The following RIN3 variants were observed in gnomAD, a reference collection of about 807,000 sequenced individuals.
RIN3 encodes the protein Ras and Rab interactor 3.
Under a neutral mutation model 76.3 loss-of-function variants are expected in RIN3, and 54 were observed. That is an observed-to-expected ratio of 0.71 (90% CI 0.57 to 0.89). The LOEUF (loss-of-function observed/expected upper bound fraction) is 0.89. RIN3 is among the 40% of genes least tolerant of loss of function. The pLI is 0.00. For synonymous variants in RIN3, 576 were observed against 564.0 expected (o/e 1.02, Z -0.30); for missense variants, 1,256 against 1,322.1 (o/e 0.95, Z 0.78).
At chr14:92,686,063 T>C (rs1888846501) in intron 9 of RIN3, 1 of 152,206 alleles carries the variant, frequency 6.6e-6, no homozygotes, top group Admixed American at 6.5e-5. Flanking sequence ...TAAAAAAGGG[T>C]GAGAGTTGGA....
chr14:92,535,152 T>C (rs959709467), intron 1 of RIN3, among the ~76,000 whole-genome samples: 5 of 152,222 alleles, frequency 3.3e-5, no homozygotes, highest in African/African-American at 4.8e-5. Flanking sequence ...CTCACAGCCA[T>C]GTGGAGATCC....
intron 1 of RIN3, among the ~76,000 whole-genome samples, chr14:92,549,765 G>C (rs1019036948): frequency 6.6e-6 from 1 of 152,226 alleles, no homozygotes; most frequent in Non-Finnish European, 1.5e-5. Context: ...TGGGTGTCCG[G>C]CGGCAGCCAT....
intron 1 of RIN3, among the ~76,000 whole-genome samples, chr14:92,529,643 G>A (rs12893972): frequency 0.016 from 2,364 of 152,290 alleles, 23 homozygotes; most frequent in Admixed American, 0.023. Flanking sequence ...GTTGAACAGG[G>A]CGACACTCTG....
intron 8 of RIN3, among the ~76,000 whole-genome samples, chr14:92,682,613 A>G (rs942353994): frequency 2.0e-5 from 3 of 152,160 alleles, no homozygotes; most frequent in African/African-American, 7.2e-5. Context: ...GGCAGAAGGA[A>G]GGGTGACAGG....
At chr14:92,608,845 A>G in intron 3 of RIN3, among the ~76,000 whole-genome samples, 1 of 152,002 alleles carries the variant, frequency 6.6e-6, no homozygotes, top group Non-Finnish European at 1.5e-5. Flanking sequence ...TCTCTCTCTT[A>G]GCATTTTTAA....
Position 92,600,656 on chromosome 14 carries a change from A to G in RIN3, c.368-14751A>G, listed in dbSNP as rs532967623. Among the ~76,000 whole-genome samples the G allele has an allele frequency of 1.6e-3, 239 of 152,334 alleles. 1 individual carries two copies. Among genetic ancestry groups the G allele is most frequent in the Non-Finnish European group, 2.1e-3 (146 of 68,032 alleles). On this transcript the variant is annotated intron_variant, in intron 3 of 9. Transcript: ENST00000216487. ...TGATTTCGGGTACCCACTGTGTGCC[A>G]GGCAGCACACTAGGTGTTGGCGTCC...
At chr14:92,651,260 A>G (rs1421289572) in intron 5 of RIN3, among the ~76,000 whole-genome samples, 1 of 151,342 alleles carries the variant, frequency 6.6e-6, no homozygotes, top group Non-Finnish European at 1.5e-5. Context: ...CAGTGTTGTC[A>G]CCCCCCACCC....
chr14:92,564,780 T>C (rs972605119), intron 2 of RIN3, among the ~76,000 whole-genome samples: 1 of 152,126 alleles, frequency 6.6e-6, no homozygotes, highest in Non-Finnish European at 1.5e-5. Flanking sequence ...GGGTCCCTAA[T>C]GCAATGCAGT....
chr14:92,539,468 C>T (rs1394771951), intron 1 of RIN3, among the ~76,000 whole-genome samples: 2 of 152,280 alleles, frequency 1.3e-5, no homozygotes, highest in South Asian at 2.1e-4. Flanking sequence ...TGTGAAGCCA[C>T]GGACCTGGGA....
At chr14:92,557,565 A>G (rs537088990) in intron 2 of RIN3, among the ~76,000 whole-genome samples, 1 of 152,350 alleles carries the variant, frequency 6.6e-6, no homozygotes, top group Admixed American at 6.5e-5. Flanking sequence ...CGCCAGTTGT[A>G]CCTGAAAATC....
chr14:92,639,437 G>A (rs753805796), intron 4 of RIN3, among the ~76,000 whole-genome samples: 4 of 152,232 alleles, frequency 2.6e-5, no homozygotes, highest in Non-Finnish European at 5.9e-5. Flanking sequence ...ATCCATTCCT[G>A]TCTTCACAGA....
At chr14:92,574,902 A>G (rs551834171) in intron 2 of RIN3, among the ~76,000 whole-genome samples, 19 of 152,228 alleles carry the variant, frequency 1.2e-4, no homozygotes, top group African/African-American at 3.9e-4. Context: ...CAGGATCTAG[A>G]GTTGAAGGTC....
chr14:92,582,370 G>A (rs943229072), intron 3 of RIN3, among the ~76,000 whole-genome samples: 5 of 151,556 alleles, frequency 3.3e-5, no homozygotes, highest in African/African-American at 1.2e-4. Context: ...CATCGTTCAT[G>A]TGCATTCACT....
intron 6 of RIN3, among the ~76,000 whole-genome samples, chr14:92,657,688 G>A (rs1425658742): frequency 3.3e-5 from 5 of 152,310 alleles, no homozygotes; most frequent in South Asian, 4.1e-4. Context: ...CCCCATCTGC[G>A]CCCATCTCTG....
chr14:92,688,232 CG>C lies in RIN3; in HGVS notation c.2941del (p.Glu981SerfsTer43). 6.3e-7 allele frequency: 1 copy of C among 1,593,756 alleles called. No homozygotes were observed. The highest frequency in any genetic ancestry group is 8.5e-7 in the Non-Finnish European group (1 of 1,171,816). On this transcript the variant is annotated frameshift_variant, in exon 10 of 10. Transcript: ENST00000216487. LOFTEE classifies it high-confidence loss of function. ...CGGGAGCCCGCCCTGCCTGGTGGTG[CG>C]GGAGCCCAACTTCCTGTGAGGCCCT... ...GGGSPPCLVV[R>X]EPNFL
At chr14:92,579,355 A>G (rs1898366149) in intron 3 of RIN3, among the ~76,000 whole-genome samples, 1 of 152,264 alleles carries the variant, frequency 6.6e-6, no homozygotes, top group Non-Finnish European at 1.5e-5. Context: ...TAAACAATAA[A>G]CTAAATTCCT....
chr14:92,541,979 C>A (rs1897140885), intron 1 of RIN3, among the ~76,000 whole-genome samples: 1 of 152,168 alleles, frequency 6.6e-6, no homozygotes, highest in African/African-American at 2.4e-5. Flanking sequence ...ATAAACATTT[C>A]TCTGGGGAAG....
intron 7 of RIN3, among the ~76,000 whole-genome samples, chr14:92,674,239 G>A (rs1395169314): frequency 1.3e-5 from 2 of 152,152 alleles, no homozygotes; most frequent in East Asian, 1.9e-4. Context: ...CCAGGTCTGG[G>A]GTTGGAGACT....
chr14:92,600,923 C>T (rs1412342452), intron 3 of RIN3, among the ~76,000 whole-genome samples: 1 of 152,150 alleles, frequency 6.6e-6, no homozygotes, highest in Non-Finnish European at 1.5e-5. Context: ...AAATGTCCCC[C>T]TGGGGGATCA....
Sources: allele counts gnomAD v4.1 joint callset (sites outside exome capture counted in the v4.1 genomes callset), GRCh38; gene constraint gnomAD v4.1.1; transcripts MANE v1.5; gene names NCBI Gene and HGNC (gene_info 2026-07-23, HGNC 2026-07-21).